The following ARHGAP10 variants were observed in gnomAD, a reference collection of about 807,000 sequenced individuals.
The protein encoded by ARHGAP10 is rho GTPase-activating protein 10.
ARHGAP10 carries 87 observed loss-of-function variants against 108.6 expected under a neutral mutation model. The observed-to-expected ratio is 0.80, with a 90% CI of 0.67 to 0.96. The LOEUF is 0.96. Ranked by LOEUF, ARHGAP10 falls within the 40% of genes least tolerant of loss-of-function variation. The pLI is 0.00. For synonymous variants in ARHGAP10, 347 were observed against 341.1 expected (o/e 1.02, Z -0.19); for missense variants, 939 against 954.5 (o/e 0.98, Z 0.21).
At chr4:147,960,343 G>A (rs1416962807) in intron 16 of ARHGAP10, among the ~76,000 whole-genome samples, 1 of 151,988 alleles carries the variant, frequency 6.6e-6, no homozygotes, top group Non-Finnish European at 1.5e-5. Context: ...AGTGTCCTCA[G>A]TTGTAAAATA....
intron 1 of ARHGAP10, among the ~76,000 whole-genome samples, chr4:147,776,741 A>G (rs1730306543): frequency 6.6e-6 from 1 of 152,214 alleles, no homozygotes. Context: ...TTGATAGGGA[A>G]CAGCTGCCTC....
chr4:148,023,766 C>T (rs1038613461), intron 19 of ARHGAP10, among the ~76,000 whole-genome samples: 11 of 152,206 alleles, frequency 7.2e-5, no homozygotes, highest in African/African-American at 2.7e-4. Context: ...GATGGAGTCT[C>T]ATGTTAAATG....
At position 147,939,892 on chromosome 4, in the gene ARHGAP10, G is replaced by A. The variant is rs1738106046; in HGVS notation, c.1296G>A (p.Met432Ile). ...VSSKVQRLLS[M>I]LMDVKTCNEV... ...CAAAGGTCCAGAGACTTCTGAGTAT[G>A]TTGATGGGTATGCCTCTTTTCTAAT... Residue 432 changes from methionine (M) to isoleucine (I), a missense_variant, in exon 14 of 23, where the codon ATG becomes ATA. By Grantham distance (10) the Met-to-Ile change is conservative (BLOSUM62 1). Transcript: ENST00000336498. 1.2e-6 allele frequency: 2 copies of A among 1,613,482 alleles called. No individual in the cohort carries two copies. Among genetic ancestry groups the A allele is most frequent in the Non-Finnish European group, 1.7e-6 (2 of 1,179,484 alleles).
chr4:147,986,037 AG>A (rs1253681741), intron 18 of ARHGAP10, among the ~76,000 whole-genome samples: 2 of 152,154 alleles, frequency 1.3e-5, no homozygotes, highest in African/African-American at 4.8e-5. Context: ...TAAAGCTCAC[AG>A]GGTTTATCTT....
intron 7 of ARHGAP10, among the ~76,000 whole-genome samples, chr4:147,874,782 A>G (rs1474295708): frequency 6.6e-6 from 1 of 152,190 alleles, no homozygotes; most frequent in Non-Finnish European, 1.5e-5. Flanking sequence ...AAAGCCTCCA[A>G]AGTAACCTGT....
chr4:147,898,231 A>G (rs1294780142), intron 10 of ARHGAP10, among the ~76,000 whole-genome samples: 1 of 151,838 alleles, frequency 6.6e-6, no homozygotes, highest in East Asian at 1.9e-4. Context: ...TTTCTTTCCT[A>G]TTTTGTCTGT....
At chr4:147,871,389 G>C (rs191403394) in intron 7 of ARHGAP10, among the ~76,000 whole-genome samples, 1 of 152,080 alleles carries the variant, frequency 6.6e-6, no homozygotes. Context: ...AGGACTATTC[G>C]TGTCCGTCTC....
intron 11 of ARHGAP10, among the ~76,000 whole-genome samples, chr4:147,906,931 A>T (rs1217540524): frequency 6.6e-6 from 1 of 152,136 alleles, no homozygotes; most frequent in East Asian, 1.9e-4. Flanking sequence ...TTATTTCTGT[A>T]TTTTCTTGAC....
intron 3 of ARHGAP10, among the ~76,000 whole-genome samples, chr4:147,844,126 C>T (rs1223486222): frequency 1.3e-5 from 2 of 152,168 alleles, no homozygotes; most frequent in African/African-American, 4.8e-5. Context: ...CTCCCAGCTG[C>T]TTTCCCTCAA....
At chr4:147,898,485 C>G (rs1176325161) in intron 10 of ARHGAP10, among the ~76,000 whole-genome samples, 1 of 150,582 alleles carries the variant, frequency 6.6e-6, no homozygotes, top group Non-Finnish European at 1.5e-5. Context: ...GCCCAGGGTT[C>G]CATTGAGGTT....
chr4:147,943,650 A>C (rs1458667457), intron 14 of ARHGAP10, among the ~76,000 whole-genome samples: 2 of 152,242 alleles, frequency 1.3e-5, no homozygotes, highest in Admixed American at 6.5e-5. Flanking sequence ...TTAGATTTTT[A>C]ACAAACCCAT....
At chr4:147,994,572 G>A (rs1012991110) in intron 18 of ARHGAP10, among the ~76,000 whole-genome samples, 3 of 152,166 alleles carry the variant, frequency 2.0e-5, no homozygotes, top group African/African-American at 7.2e-5. Context: ...AGAAACAGTT[G>A]ACATCAGAAA....
intron 19 of ARHGAP10, among the ~76,000 whole-genome samples, chr4:148,034,253 A>T (rs1728274495): frequency 6.6e-6 from 1 of 152,080 alleles, no homozygotes; most frequent in Non-Finnish European, 1.5e-5. Context: ...TTAGTCTTTT[A>T]TTTCTGGTTA....
intron 10 of ARHGAP10, among the ~76,000 whole-genome samples, chr4:147,899,435 T>C (rs1359530365): frequency 2.0e-5 from 3 of 152,132 alleles, no homozygotes; most frequent in African/African-American, 2.4e-5. Context: ...TTTACATCTT[T>C]GCTCTTAAAT....
At chr4:147,763,573 G>A (rs962103722) in intron 1 of ARHGAP10, among the ~76,000 whole-genome samples, 8 of 152,002 alleles carry the variant, frequency 5.3e-5, no homozygotes, top group Middle Eastern at 3.2e-3. Flanking sequence ...ACCTCCCAAA[G>A]TGTTGGGATT....
At chr4:147,940,779 A>G in intron 14 of ARHGAP10, among the ~76,000 whole-genome samples, 1 of 152,256 alleles carries the variant, frequency 6.6e-6, no homozygotes, top group African/African-American at 2.4e-5. Context: ...AGCCAAGTTG[A>G]ATAAAATCAA....
At chr4:148,001,755 A>G (rs1740729082) in intron 18 of ARHGAP10, among the ~76,000 whole-genome samples, 6 of 152,158 alleles carry the variant, frequency 3.9e-5, no homozygotes, top group Admixed American at 3.9e-4. Flanking sequence ...ATTTTTGCAC[A>G]TCGATTTTGT....
chr4:147,784,719 A>ATATTATAAAT (rs1730764186), intron 1 of ARHGAP10, among the ~76,000 whole-genome samples: 1 of 46,540 alleles, frequency 2.1e-5, no homozygotes, highest in African/African-American at 6.3e-5. Context: ...TTATAAATAT[A>ATATTATAAAT]ATATATTATA....
intron 1 of ARHGAP10, among the ~76,000 whole-genome samples, chr4:147,813,810 C>A (rs1247549730): frequency 6.6e-6 from 1 of 152,158 alleles, no homozygotes; most frequent in African/African-American, 2.4e-5. Flanking sequence ...TTCAAAAGGT[C>A]CTAACTTAAC....
Sources: gnomAD v4.1 joint callset for allele counts (sites outside exome capture counted in the v4.1 genomes callset) on GRCh38, gnomAD v4.1.1 for gene constraint, MANE v1.5 for transcripts, NCBI Gene and HGNC (gene_info 2026-07-23, HGNC 2026-07-21) for gene names.